DOCK3: variants seen among roughly 807,000 people sequenced by gnomAD.
DOCK3 encodes dedicator of cytokinesis protein 3.
DOCK3 carries 60 observed loss-of-function variants against 265.6 expected under a neutral mutation model. That is an observed-to-expected ratio of 0.23 (90% CI 0.18 to 0.28). DOCK3 has a LOEUF of 0.28. Ranked by LOEUF, DOCK3 falls within the 10% of genes least tolerant of loss-of-function variation. The pLI is 1.00. For synonymous variants in DOCK3, 881 were observed against 938.0 expected (o/e 0.94, Z 1.11); for missense variants, 1,981 against 2,594.3 (o/e 0.76, Z 5.14).
At chr3:51,327,219 C>G (rs555819827) in intron 32 of DOCK3, among the ~76,000 whole-genome samples, 3 of 152,208 alleles carry the variant, frequency 2.0e-5, no homozygotes, top group Non-Finnish European at 4.4e-5. Context: ...TATCTCAGAA[C>G]CCACCATGGT....
At chr3:50,678,093 C>T (rs752417249) in intron 1 of DOCK3, among the ~76,000 whole-genome samples, 3 of 150,768 alleles carry the variant, frequency 2.0e-5, no homozygotes, top group African/African-American at 4.9e-5. Context: ...TGTCCTTCAA[C>T]GATTGTATAT....
chr3:51,275,151 T>C lies in DOCK3; in HGVS notation c.2621T>C (p.Leu874Pro), dbSNP rs1234859374. 6.2e-7 allele frequency: 1 copy of C among 1,613,902 alleles called. No homozygotes were observed. The highest frequency in any genetic ancestry group is 8.5e-7 in the Non-Finnish European group (1 of 1,179,898). Residue 874 changes from leucine (L) to proline (P), a missense_variant, in exon 25 of 53, where the codon CTA (leucine) becomes CCA (proline). Physicochemically the swap from Leu to Pro is moderately conservative, Grantham distance 98 (BLOSUM62 -3). Around this residue, in one of 4 missense-constraint regions of DOCK3, gnomAD observed 1,357 missense variants for 1,866.8 expected, o/e 0.73. Coordinates refer to ENST00000266037, the MANE Select transcript of DOCK3 (RefSeq NM_004947.5). ...CACCTGAGGCAGCAGAAAGAGCTGC[T>C]AATTTGCTCAGGGATTCTTGGCAGC... ...HLHLRQQKEL[L>P]ICSGILGSIF... is the part of the protein sequence containing the mutation.
intron 12 of DOCK3, among the ~76,000 whole-genome samples, chr3:51,176,997 T>C (rs1471662656): frequency 6.6e-6 from 1 of 152,222 alleles, no homozygotes; most frequent in African/African-American, 2.4e-5. Context: ...TTAATAATAA[T>C]GCCAGTATAC....
chr3:50,719,336 A>G (rs1236729590), intron 1 of DOCK3: 4 of 307,200 alleles, frequency 1.3e-5, no homozygotes, highest in Non-Finnish European at 2.4e-5. Flanking sequence ...TAGGCATGGA[A>G]GAGAATGAGG....
chr3:51,235,672 G>A (rs540799990), intron 19 of DOCK3, among the ~76,000 whole-genome samples: 2 of 152,246 alleles, frequency 1.3e-5, no homozygotes, highest in Non-Finnish European at 2.9e-5. Flanking sequence ...ACTGGAGGAA[G>A]GATAGACTTG....
intron 1 of DOCK3, among the ~76,000 whole-genome samples, chr3:50,752,746 C>T (rs1003794498): frequency 4.6e-5 from 7 of 152,072 alleles, no homozygotes; most frequent in African/African-American, 1.4e-4. Flanking sequence ...CCACTACACT[C>T]CAGCCTGGGT....
chr3:51,231,010 T>C (rs1009729298), intron 19 of DOCK3, among the ~76,000 whole-genome samples: 1 of 152,112 alleles, frequency 6.6e-6, no homozygotes, highest in African/African-American at 2.4e-5. Context: ...AAGTTTTTTT[T>C]ATAAATCTCC....
intron 4 of DOCK3, among the ~76,000 whole-genome samples, chr3:50,899,895 T>G (rs1350814187): frequency 1.2e-4 from 19 of 152,190 alleles, no homozygotes; most frequent in Admixed American, 1.2e-3. Context: ...TCTCTCTGGC[T>G]GCTCTTAACA....
intron 5 of DOCK3, among the ~76,000 whole-genome samples, chr3:51,025,115 G>A (rs903821463): frequency 6.6e-6 from 1 of 152,124 alleles, no homozygotes; most frequent in African/African-American, 2.4e-5. Flanking sequence ...CTTAGGTGAT[G>A]GGTGGGGCTA....
At chr3:51,205,261 C>G (rs892158884) in intron 12 of DOCK3, among the ~76,000 whole-genome samples, 8 of 151,914 alleles carry the variant, frequency 5.3e-5, no homozygotes, top group African/African-American at 1.9e-4. Flanking sequence ...ATTTAGAAAG[C>G]ACTTTTACCT....
chr3:50,926,798 A>C (rs1464923662), intron 4 of DOCK3, among the ~76,000 whole-genome samples: 1 of 152,206 alleles, frequency 6.6e-6, no homozygotes, highest in Non-Finnish European at 1.5e-5. Flanking sequence ...TATGTCATGG[A>C]ATGAAAAACA....
chr3:51,147,765 A>G (rs2085372004), intron 10 of DOCK3, among the ~76,000 whole-genome samples: 1 of 152,146 alleles, frequency 6.6e-6, no homozygotes, highest in Non-Finnish European at 1.5e-5. Flanking sequence ...GTTGGTTCTA[A>G]GTCTTTGCTA....
chr3:50,778,900 T>C, intron 2 of DOCK3, 142 bp downstream of exon 2: 2 of 560,516 alleles, frequency 3.6e-6, no homozygotes, highest in Non-Finnish European at 3.0e-6. Context: ...ATAAAATTCT[T>C]CCTGATCTGT....
intron 1 of DOCK3, among the ~76,000 whole-genome samples, chr3:50,742,830 C>G (rs981833339): frequency 6.6e-6 from 1 of 152,104 alleles, no homozygotes; most frequent in African/African-American, 2.4e-5. Flanking sequence ...CATTCAGATT[C>G]AGGAAATACA....
chr3:50,922,460 T>C (rs1323468354), intron 4 of DOCK3, among the ~76,000 whole-genome samples: 2 of 152,212 alleles, frequency 1.3e-5, no homozygotes, highest in African/African-American at 4.8e-5. Flanking sequence ...TGTCATGGCT[T>C]CCCTTGGCCA....
At chr3:51,346,886 C>A (rs1322260679) in intron 38 of DOCK3, among the ~76,000 whole-genome samples, 1 of 152,174 alleles carries the variant, frequency 6.6e-6, no homozygotes, top group Admixed American at 6.5e-5. Context: ...TCTCTGATGG[C>A]CAGTGATGAT....
intron 35 of DOCK3, among the ~76,000 whole-genome samples, chr3:51,335,589 T>C (rs1322766753): frequency 6.6e-6 from 1 of 152,258 alleles, no homozygotes; most frequent in Non-Finnish European, 1.5e-5. Flanking sequence ...GGCCAGCTCC[T>C]GGCAGGTGCA....
chr3:51,308,911 G>T (rs1163756300), intron 27 of DOCK3, among the ~76,000 whole-genome samples: 1 of 152,052 alleles, frequency 6.6e-6, no homozygotes, highest in Non-Finnish European at 1.5e-5. Context: ...CTCAGACGGG[G>T]CGGCCGGGCA....
chr3:51,236,298 G>A (rs771479411), intron 19 of DOCK3, 47 bp from the exon 20 acceptor site: 33 of 1,399,396 alleles, frequency 2.4e-5, no homozygotes, highest in South Asian at 4.6e-5. Context: ...AAGTTTGTGC[G>A]TGTAAGGTCC....
Sources: gnomAD v4.1 joint callset for allele counts (sites outside exome capture counted in the v4.1 genomes callset) on GRCh38, gnomAD v4.1.1 for gene constraint, gnomAD v4.1.1 regional missense constraint, MANE v1.5 for transcripts, NCBI Gene and HGNC (gene_info 2026-07-23, HGNC 2026-07-21) for gene names.